SNX29: variants seen among roughly 807,000 people sequenced by gnomAD.
SNX29 encodes sorting nexin-29.
In SNX29, 78 loss-of-function variants were observed where a neutral mutation model predicts 102.1. That is an observed-to-expected ratio of 0.76 (90% confidence interval 0.64 to 0.92). The LOEUF is 0.92. SNX29 is among the 40% of genes least tolerant of loss of function. The pLI is 0.00. For synonymous variants in SNX29, 580 were observed against 414.5 expected (o/e 1.40, Z -4.85); for missense variants, 1,280 against 1,061.7 (o/e 1.21, Z -2.86).
At chr16:12,079,380 A>C (rs1196799392) in intron 11 of SNX29, among the ~76,000 whole-genome samples, 1 of 152,190 alleles carries the variant, frequency 6.6e-6, no homozygotes, top group Non-Finnish European at 1.5e-5. Context: ...ACTAGGTTTG[A>C]ATGGCTTTGT....
chr16:12,456,367 T>C, intron 18 of SNX29, among the ~76,000 whole-genome samples: 1 of 152,138 alleles, frequency 6.6e-6, no homozygotes, highest in East Asian at 1.9e-4. Context: ...ATGGCATCAA[T>C]AAATACAGCA....
intron 14 of SNX29, among the ~76,000 whole-genome samples, chr16:12,273,344 T>G (rs1441207988): frequency 4.5e-5 from 1 of 22,238 alleles, no homozygotes; most frequent in Non-Finnish European, 1.0e-4. Context: ...TGTTTTTTGT[T>G]TTTTTTTTTT....
At chr16:12,314,152 G>T (rs1035966735) in intron 15 of SNX29, among the ~76,000 whole-genome samples, 1 of 152,132 alleles carries the variant, frequency 6.6e-6, no homozygotes, top group African/African-American at 2.4e-5. Flanking sequence ...CAGCAGGCCT[G>T]GCTATTTTTT....
intron 13 of SNX29, among the ~76,000 whole-genome samples, chr16:12,143,063 T>A (rs1426431573): frequency 1.3e-5 from 2 of 151,786 alleles, no homozygotes; most frequent in African/African-American, 4.8e-5. Flanking sequence ...AGTGGTGCGA[T>A]CTCAGCTCAT....
At chr16:12,253,513 A>G (rs2078481739) in intron 14 of SNX29, among the ~76,000 whole-genome samples, 1 of 152,170 alleles carries the variant, frequency 6.6e-6, no homozygotes, top group South Asian at 2.1e-4. Context: ...ACTTTAAGTG[A>G]GTCGGGATGA....
chr16:12,077,073 A>G (rs1016517095), intron 10 of SNX29, among the ~76,000 whole-genome samples: 5 of 152,170 alleles, frequency 3.3e-5, no homozygotes, highest in Non-Finnish European at 5.9e-5. Context: ...CGGGAGTTCA[A>G]CACCACCAGT....
chr16:12,531,921 A>C (rs755690922), intron 20 of SNX29, among the ~76,000 whole-genome samples: 1 of 152,224 alleles, frequency 6.6e-6, no homozygotes, highest in Non-Finnish European at 1.5e-5. Flanking sequence ...AAGAAAAACC[A>C]GTCAAGAGGT....
At chr16:11,977,729 CCCTTGACTCTACCCT>C (rs756015158) in intron 1 of SNX29, 2 of 152,336 alleles carry the variant, frequency 1.3e-5, no homozygotes, top group Non-Finnish European at 2.9e-5. Context: ...GAAGTTTAGT[CCCTTGACTCTACCCT>C]CCTTTCCTCT....
At chr16:12,564,511 C>T (rs1027425792) in intron 20 of SNX29, among the ~76,000 whole-genome samples, 1 of 152,212 alleles carries the variant, frequency 6.6e-6, no homozygotes, top group African/African-American at 2.4e-5. Flanking sequence ...AGAAGGAACT[C>T]AAGTTTTCTG....
intron 1 of SNX29, among the ~76,000 whole-genome samples, chr16:11,994,078 G>A (rs757289860): frequency 2.6e-5 from 4 of 152,104 alleles, no homozygotes; most frequent in Non-Finnish European, 5.9e-5. Context: ...CTGAGATCGC[G>A]CCATTGCACT....
chr16:12,007,946 T>C (rs2056511559), intron 3 of SNX29, among the ~76,000 whole-genome samples: 1 of 152,110 alleles, frequency 6.6e-6, no homozygotes, highest in South Asian at 2.1e-4. Context: ...TTTCACTACT[T>C]TTTCTTTCTT....
chr16:12,554,502 C>T (rs2078198964), intron 20 of SNX29, among the ~76,000 whole-genome samples: 1 of 152,212 alleles, frequency 6.6e-6, no homozygotes, highest in East Asian at 1.9e-4. Context: ...CAAGCTTCCT[C>T]CGCAGCAGGA....
intron 15 of SNX29, among the ~76,000 whole-genome samples, chr16:12,281,359 C>T (rs1276529143): frequency 1.3e-5 from 2 of 152,190 alleles, no homozygotes; most frequent in Non-Finnish European, 2.9e-5. Context: ...ACACACTACA[C>T]ATTTGTGCTT....
At chr16:12,257,086 C>G (rs547215879) in intron 14 of SNX29, among the ~76,000 whole-genome samples, 7 of 152,258 alleles carry the variant, frequency 4.6e-5, no homozygotes, top group African/African-American at 1.7e-4. Flanking sequence ...AATTCCTTTC[C>G]TTGCTCATTC....
chr16:12,322,542 C>A (rs978803908), intron 15 of SNX29, among the ~76,000 whole-genome samples: 1 of 152,118 alleles, frequency 6.6e-6, no homozygotes, highest in Non-Finnish European at 1.5e-5. Flanking sequence ...ATATACAAAA[C>A]AAAAATCAGG....
intron 14 of SNX29, among the ~76,000 whole-genome samples, chr16:12,215,006 C>T (rs2077283834): frequency 1.3e-5 from 2 of 152,010 alleles, no homozygotes; most frequent in Non-Finnish European, 2.9e-5. Flanking sequence ...GTGCCTGGTC[C>T]CTGGTGGGTT....
At chr16:12,558,285 C>G (rs1481108696) in intron 20 of SNX29, among the ~76,000 whole-genome samples, 6 of 152,254 alleles carry the variant, frequency 3.9e-5, no homozygotes, top group East Asian at 3.9e-4. Context: ...TGAGCCAGCT[C>G]TGAAACGCGA....
intron 14 of SNX29, among the ~76,000 whole-genome samples, chr16:12,220,290 G>T (rs1431661313): frequency 7.5e-6 from 1 of 133,144 alleles, no homozygotes; most frequent in Non-Finnish European, 1.6e-5. Context: ...TTCATTTTCA[G>T]TCAGGTTTTC....
At chr16:12,183,369 G>C (rs186278748) in intron 13 of SNX29, among the ~76,000 whole-genome samples, 35 of 151,896 alleles carry the variant, frequency 2.3e-4, no homozygotes, top group African/African-American at 8.5e-4. Context: ...AAAAGTCCTA[G>C]TACTATAAAC....
Sources: gnomAD v4.1 joint callset for allele counts (sites outside exome capture counted in the v4.1 genomes callset) on GRCh38, gnomAD v4.1.1 for gene constraint, MANE v1.5 for transcripts, NCBI Gene and HGNC (gene_info 2026-07-23, HGNC 2026-07-21) for gene names.